Variants in GIGYF2 observed in about 807,000 individuals in gnomAD.
GIGYF2 encodes GRB10 interacting GYF protein 2.
GIGYF2 carries 25 observed loss-of-function variants against 208.1 expected under a neutral mutation model. The observed-to-expected ratio is 0.12, with a 90% CI of 0.09 to 0.17. The LOEUF (loss-of-function observed/expected upper bound fraction) is 0.17, where lower values mean the gene tolerates loss of function less well. Ranked by LOEUF, GIGYF2 falls within the 10% of genes least tolerant of loss-of-function variation. GIGYF2 has a pLI of 1.00. For synonymous variants in GIGYF2, 534 were observed against 543.8 expected, an observed-to-expected ratio of 0.98 and a Z score of 0.25; for missense variants, 1,302 against 1,579.4, an observed-to-expected ratio of 0.82 and a Z score of 2.98.
At chr2:232,702,447 GAA>G in intron 1 of GIGYF2, among the ~76,000 whole-genome samples, 1 of 150,798 alleles carries the variant, frequency 6.6e-6, no homozygotes, top group Admixed American at 6.6e-5. Context: ...TCCAAAAAAA[GAA>G]AAAAAACTCT....
chr2:232,844,682 T>C (rs1047604879), intron 25 of GIGYF2, 108 bp downstream of exon 25: 2 of 755,116 alleles, frequency 2.6e-6, no homozygotes, highest in African/African-American at 1.7e-5. Context: ...AGTTTTTGCT[T>C]ACCGTTTTCA....
At chr2:232,786,670 A>C (rs1335800256) in intron 8 of GIGYF2, among the ~76,000 whole-genome samples, 1 of 152,242 alleles carries the variant, frequency 6.6e-6, no homozygotes, top group Non-Finnish European at 1.5e-5. Context: ...TAACTTTAAA[A>C]AGTATGTGCT....
At chr2:232,805,390 C>T (rs1024719522) in intron 14 of GIGYF2, among the ~76,000 whole-genome samples, 3 of 152,152 alleles carry the variant, frequency 2.0e-5, no homozygotes, top group African/African-American at 4.8e-5. Flanking sequence ...TTGTTTGGTG[C>T]ATACATATTA....
Position 232,762,234 on chromosome 2 carries a change from T to TG in GIGYF2, c.532+798_532+799insG, listed in dbSNP as rs1559410865. ...GATAGTGTTAATCATGTCTTTTTTT[T>TG]TTTGTTTTTTTTTTTGTTTTTTTTT... On this transcript the variant is annotated intron_variant, in intron 8 of 28. Coordinates refer to ENST00000373563, the MANE Select transcript of GIGYF2 (RefSeq NM_001103146.3). Among the ~76,000 whole-genome samples, 43 of 109,832 alleles carry TG rather than the reference T, an allele frequency of 3.9e-4. No homozygotes were observed. In the South Asian group the frequency reaches 4.1e-3, roughly 11 times the overall value. The allele number at this position is 109,832 out of a possible 152,430, so 72.1% of individuals were successfully genotyped here.
At chr2:232,728,972 C>T (rs1200510141) in intron 2 of GIGYF2, among the ~76,000 whole-genome samples, 2 of 151,920 alleles carry the variant, frequency 1.3e-5, no homozygotes, top group Middle Eastern at 3.2e-3. Context: ...TTTTCCCTTT[C>T]CCTTCTCTTT....
At chr2:232,822,962 C>A (rs1027497232) in intron 21 of GIGYF2, among the ~76,000 whole-genome samples, 6 of 151,988 alleles carry the variant, frequency 3.9e-5, no homozygotes. Context: ...CGGTATTTCA[C>A]CATTAAATAT....
intron 13 of GIGYF2, 96 bp downstream of exon 13, chr2:232,795,040 G>A: frequency 1.1e-6 from 1 of 905,244 alleles, no homozygotes; most frequent in South Asian, 1.3e-5. Context: ...TTTGTCACTA[G>A]ATTTTAAGTA....
intron 22 of GIGYF2, among the ~76,000 whole-genome samples, chr2:232,834,987 TACTC>T (rs1219543152): frequency 2.0e-5 from 3 of 152,352 alleles, no homozygotes; most frequent in African/African-American, 7.2e-5. Context: ...GTTCAACCCT[TACTC>T]ACCTCGTATT....
At position 232,807,962 on chromosome 2, in the gene GIGYF2, G is replaced by A. The variant is rs116155180; in HGVS notation, c.1806+1305G>A. On this transcript the variant is annotated intron_variant, in intron 15 of 28. Coordinates refer to ENST00000373563, the MANE Select transcript of GIGYF2 (RefSeq NM_001103146.3). ...ATATTGAGGGCCTGTGCCAGGCCTC[G>A]TAGTAGGTTCTTAGGAGATGAAGAT... 5.3e-3 allele frequency among the ~76,000 whole-genome samples: 804 copies of A among 152,344 alleles called. 4 individuals carry two copies. The highest frequency in any genetic ancestry group is 0.018 in the African/African-American group (763 of 41,584).
At chr2:232,730,042 G>T in intron 2 of GIGYF2, 1 of 867,516 alleles carries the variant, frequency 1.2e-6, no homozygotes, top group South Asian at 1.4e-5. Context: ...TACCAACGAA[G>T]GGCATAACAC....
At chr2:232,815,033 C>T (rs1187625862) in intron 18 of GIGYF2, among the ~76,000 whole-genome samples, 2 of 152,228 alleles carry the variant, frequency 1.3e-5, no homozygotes, top group Non-Finnish European at 2.9e-5. Context: ...GTTAGCAGGA[C>T]CAGGTCTCAC....
chr2:232,728,967 C>T (rs540493187), intron 2 of GIGYF2, among the ~76,000 whole-genome samples: 2 of 149,388 alleles, frequency 1.3e-5, no homozygotes, highest in Non-Finnish European at 3.0e-5. Context: ...TTTCCTTTTC[C>T]CTTTCCCTTC....
intron 23 of GIGYF2, among the ~76,000 whole-genome samples, chr2:232,843,258 A>G (rs1376703200): frequency 6.6e-6 from 1 of 151,120 alleles, no homozygotes; most frequent in Non-Finnish European, 1.5e-5. Flanking sequence ...AAGCCTACTT[A>G]ATTTTTAAGA....
rs1319213247 is a variant in GIGYF2 at position 232,860,358 on chromosome 2, A to G, written c.*3498A>G. ...CTGGCTTTATTTAAATAATTTTTTT[A>G]GGGAAACCATTGTATTTATACATGC... On this transcript the variant is annotated 3_prime_UTR_variant, in exon 29 of 29. Coordinates refer to ENST00000373563, the MANE Select transcript of GIGYF2 (RefSeq NM_001103146.3). The G allele has an allele frequency of 6.6e-6, 1 of 151,168 alleles. No homozygotes were observed. The highest frequency in any genetic ancestry group is 2.4e-5 in the African/African-American group (1 of 41,268). The allele number at this position is 151,168 out of a possible 1,614,324, so 9.4% of individuals were successfully genotyped here.
Position 232,860,574 on chromosome 2 carries a change from CTAAT to C in GIGYF2, c.*3718_*3721del, listed in dbSNP as rs1690741784. 1 of 152,022 alleles carries C rather than the reference CTAAT, an allele frequency of 6.6e-6. No individual in the cohort carries two copies. The allele number at this position is 152,022 out of a possible 1,614,324, so 9.4% of individuals were successfully genotyped here. A position where few individuals can be genotyped will look rare whatever the true frequency, so the allele number is the denominator to read the frequency against. On this transcript the variant is annotated 3_prime_UTR_variant, in exon 29 of 29. Coordinates refer to ENST00000373563, the MANE Select transcript of GIGYF2 (RefSeq NM_001103146.3). Reference sequence around the variant, plus strand: ...TATTAATAAAAGTATGTGAATGACTCTAATTAAACAGAAGTGATTCTTTGAAATG... The same window carrying C: ...TATTAATAAAAGTATGTGAATGACTCTAAACAGAAGTGATTCTTTGAAATG...
intron 2 of GIGYF2, among the ~76,000 whole-genome samples, chr2:232,706,987 A>G (rs1354266812): frequency 1.3e-5 from 2 of 150,186 alleles, no homozygotes; most frequent in East Asian, 2.0e-4. Context: ...CACAGGATCT[A>G]GGGAATCCCT....
chr2:232,842,886 T>G (rs1157384456), intron 23 of GIGYF2: 2 of 152,246 alleles, frequency 1.3e-5, no homozygotes, highest in African/African-American at 4.8e-5. Flanking sequence ...GTGAATTGCC[T>G]AACTGCACAG....
chr2:232,723,487 G>C (rs1477567026), intron 2 of GIGYF2, among the ~76,000 whole-genome samples: 1 of 145,884 alleles, frequency 6.9e-6, no homozygotes, highest in African/African-American at 2.6e-5. Flanking sequence ...CTGGAGTGCA[G>C]TGGCACGATC....
At chr2:232,779,345 C>T (rs956850723) in intron 8 of GIGYF2, among the ~76,000 whole-genome samples, 4 of 152,138 alleles carry the variant, frequency 2.6e-5, no homozygotes, top group Non-Finnish European at 5.9e-5. Context: ...TAAATCTAGT[C>T]CTCTGTCCCT....
Sources: allele counts gnomAD v4.1 joint callset (sites outside exome capture counted in the v4.1 genomes callset), GRCh38; gene constraint gnomAD v4.1.1; transcripts MANE v1.5; gene names NCBI Gene and HGNC (gene_info 2026-07-23, HGNC 2026-07-21).